Variants in UNKL observed in about 807,000 individuals in gnomAD.
UNKL encodes the protein unk like zinc finger, also known as putative E3 ubiquitin-protein ligase UNKL.
A neutral mutation model predicts 78.0 loss-of-function variants in UNKL; 60 were observed. The ratio of observed to expected loss-of-function variants is 0.77; its 90% confidence interval spans 0.63 to 0.95. UNKL has a LOEUF of 0.95. Ranked by LOEUF, UNKL falls within the 40% of genes least tolerant of loss-of-function variation. The pLI, the probability that UNKL is intolerant of heterozygous loss-of-function variation, is 0.00. For synonymous variants in UNKL, 608 were observed against 474.8 expected (o/e 1.28, Z -3.65); for missense variants, 1,159 against 1,045.7 (o/e 1.11, Z -1.49).
Position 1,389,683 on chromosome 16 carries a change from C to A in UNKL, c.1086+949G>T, listed in dbSNP as rs181776439. 3.2e-4 allele frequency among the ~76,000 whole-genome samples: 48 copies of A among 152,374 alleles called. No individual in the cohort carries two copies. In the East Asian group the frequency reaches 9.3e-3, roughly 29 times the overall value. ...GGAAGAGACCCCAGGGATGCCCACG[C>A]ACAGAGGGGTGACCCCAGAGGACAC... On this transcript the variant is annotated intron_variant, in intron 9 of 14. Coordinates refer to ENST00000389221, the MANE Select transcript of UNKL (RefSeq NM_001372107.1).
rs1388542622 is a variant in UNKL at position 1,364,912 on chromosome 16, C to G, written c.*1328G>C. The G allele has an allele frequency of 3.3e-5, 5 of 152,504 alleles. No individual in the cohort carries two copies. In the East Asian group the frequency reaches 9.6e-4, roughly 29 times the overall value. 9.4% of individuals were successfully genotyped at this position (152,504 alleles called of 1,614,324 possible). A position where few individuals can be genotyped will look rare whatever the true frequency, so the allele number is the denominator to read the frequency against. ...ACCACTCTCCCAGTTCACTGCCTGA[C>G]CCCTGCCAGGACGCCCAGCGACATC... On this transcript the variant is annotated 3_prime_UTR_variant, in exon 15 of 15. Coordinates refer to ENST00000389221, the MANE Select transcript of UNKL (RefSeq NM_001372107.1).
chr16:1,406,182 G>T, intron 2 of UNKL: 1 of 384,358 alleles, frequency 2.6e-6, no homozygotes. Context: ...GGTGATGGGA[G>T]GAACAGGCGT....
chr16:1,404,667 G>A (rs2037669339), intron 2 of UNKL, among the ~76,000 whole-genome samples: 1 of 152,200 alleles, frequency 6.6e-6, no homozygotes, highest in African/African-American at 2.4e-5. Context: ...GCACACCCAT[G>A]TTCACAGCAG....
intron 6 of UNKL, among the ~76,000 whole-genome samples, chr16:1,396,586 A>T (rs1048868931): frequency 8.0e-5 from 12 of 150,688 alleles, no homozygotes; most frequent in African/African-American, 1.2e-4. Context: ...GAATATATAT[A>T]TTTTTTTCTT....
rs879326441 is a variant in UNKL, at chr16:1,397,174, G to A, written c.852+4C>T. 6 of 1,547,038 alleles carry A rather than the reference G, an allele frequency of 3.9e-6. No homozygotes were observed. The highest frequency in any genetic ancestry group is 2.4e-5 in the East Asian group (1 of 40,928). ...CCTACGCCTGGGGGGTTGGAGGGAC[G>A]TACCTCGGGATGGAACTGCTGCTCC... On this transcript the variant is annotated splice_donor_region_variant and intron_variant, in intron 6 of 14. Transcript: ENST00000389221.
At chr16:1,383,022 G>T (rs924215594) in intron 10 of UNKL, among the ~76,000 whole-genome samples, 2 of 151,384 alleles carry the variant, frequency 1.3e-5, no homozygotes, top group African/African-American at 4.9e-5. Context: ...CACTTTGGGA[G>T]GCCCAGGCGG....
In UNKL at chr16:1,397,215, T is replaced by C. The variant is rs891500928; in HGVS notation, c.815A>G (p.Tyr272Cys). The change falls in exon 6 of 15, where the codon TAT becomes TGT. Residue 272 changes from tyrosine (Y) to cysteine (C), a missense_variant. Physicochemically the swap from Tyr to Cys is radical, Grantham distance 194. Transcript: ENST00000389221. ...SRCDGGDGCQ[Y>C]CHSRTEQQFH... ...CTGCTGCTCCGTGCGGGAGTGGCAA[T>C]ACTGGCAGCCGTCGCCGCCATCGCA... 8 of 1,546,722 alleles carry C rather than the reference T, an allele frequency of 5.2e-6. No individual in the cohort carries two copies. The highest frequency in any genetic ancestry group is 7.0e-6 in the Non-Finnish European group (8 of 1,146,948).
intron 9 of UNKL, among the ~76,000 whole-genome samples, chr16:1,386,743 C>T (rs771842853): frequency 4.1e-4 from 63 of 152,148 alleles, no homozygotes; most frequent in South Asian, 1.2e-3. Context: ...CCGACAAGAA[C>T]GCGCCTGGCT....
chr16:1,366,387 G>A lies in UNKL; in HGVS notation c.2055C>T (p.Phe685=). The A allele has an allele frequency of 1.3e-6, 2 of 1,592,254 alleles. No individual in the cohort carries two copies. Residue 685 remains phenylalanine, a synonymous_variant, in exon 15 of 15, where the codon TTC becomes TTT. Coordinates refer to ENST00000389221, the MANE Select transcript of UNKL (RefSeq NM_001372107.1). ...CCACACACTGCTTGGCGCGGAGCTG[G>A]AAGATCACCTGCAGGGCCAGAACAA... The part of the protein sequence containing the change: ...LDLEAVDGVI[F]QLRAKQCVAC...
intron 2 of UNKL, among the ~76,000 whole-genome samples, chr16:1,411,117 G>A (rs1020151986): frequency 6.6e-6 from 1 of 152,112 alleles, no homozygotes; most frequent in Non-Finnish European, 1.5e-5. Context: ...CTGGGAGGCT[G>A]CGGTGGGAGG....
At chr16:1,391,340 A>G (rs955996209) in intron 8 of UNKL, among the ~76,000 whole-genome samples, 4 of 152,162 alleles carry the variant, frequency 2.6e-5, no homozygotes, top group Admixed American at 2.6e-4. Context: ...TTGTTTTGAG[A>G]CAGGATCTCG....
rs766736267 is a variant in UNKL, at chr16:1,370,206, C to T, written c.1509G>A (p.Thr503=). The T allele has an allele frequency of 2.6e-5, 39 of 1,525,736 alleles. No individual in the cohort carries two copies. The South Asian group carries it at 3.4e-4, about 13-fold the overall frequency. The allele number at this position is 1,525,736 out of a possible 1,614,324, so 94.5% of individuals were successfully genotyped here. The change falls in exon 12 of 15, where the codon ACG becomes ACA. Residue 503 remains threonine, a synonymous_variant. Coordinates refer to ENST00000389221, the MANE Select transcript of UNKL (RefSeq NM_001372107.1). The stretch of plus-strand genomic sequence containing the variant: ...GCAGGGGTGGCGGCTGCTGGGGAGG[C>T]GTCATGGCTGAGGAGCCCACCGGCC... The part of the protein sequence containing the change: ...LPGPVGSSAM[T]PPQQPPPLRS...
chr16:1,366,873 C>T (rs2035304935), intron 14 of UNKL, among the ~76,000 whole-genome samples: 1 of 47,626 alleles, frequency 2.1e-5, no homozygotes, highest in Non-Finnish European at 4.8e-5. Context: ...GGTGAAAGGG[C>T]AAGGGCCAGC....
intron 13 of UNKL, 85 bp from the exon 14 acceptor site, chr16:1,367,434 C>T: frequency 6.8e-7 from 1 of 1,468,352 alleles, no homozygotes; most frequent in Admixed American, 2.1e-5. Flanking sequence ...GCGATCCTCC[C>T]CTCCCCTCCC....
chr16:1,379,597 G>C, intron 10 of UNKL: 1 of 985,148 alleles, frequency 1.0e-6, no homozygotes. Context: ...CCCGCACCTT[G>C]GCGGCGCACG....
Position 1,379,491 on chromosome 16 carries a change from C to T in UNKL, c.1264+5717G>A, listed in dbSNP as rs556680454. On this transcript the variant is annotated intron_variant, in intron 10 of 14. Transcript: ENST00000389221. Reference sequence around the variant, plus strand: ...GGGCCTCTGAGAAGCCCGGGCCCACCCCGCGGCTGTCACACCCGGCTCCGT... The same window carrying T: ...GGGCCTCTGAGAAGCCCGGGCCCACTCCGCGGCTGTCACACCCGGCTCCGT... 4.1e-4 allele frequency: 408 copies of T among 985,388 alleles called. 4 individuals are homozygous for T. The African/African-American group carries it at 5.9e-3, about 14-fold the overall frequency. 61.0% of individuals were successfully genotyped at this position (985,388 alleles called of 1,614,324 possible).
intron 9 of UNKL, among the ~76,000 whole-genome samples, chr16:1,388,840 G>A (rs547928168): frequency 1.3e-5 from 2 of 152,302 alleles, no homozygotes; most frequent in East Asian, 1.9e-4. Flanking sequence ...GCCCCGTGGG[G>A]ACAGCACACC....
At chr16:1,398,680 C>CCGG in intron 5 of UNKL, 2 of 1,234,494 alleles carry the variant, frequency 1.6e-6, no homozygotes, top group Non-Finnish European at 2.0e-6. Context: ...GTGGGGTCTG[C>CCGG]ACCCCCCCAC....
At chr16:1,383,659 C>T (rs1251971752) in intron 10 of UNKL, 1 of 423,396 alleles carries the variant, frequency 2.4e-6, no homozygotes. Context: ...TGGGCCTGAG[C>T]AGTTCCGTGT....
Sources: gnomAD v4.1 joint callset for allele counts (sites outside exome capture counted in the v4.1 genomes callset) on GRCh38, gnomAD v4.1.1 for gene constraint, MANE v1.5 for transcripts, NCBI Gene and HGNC (gene_info 2026-07-23, HGNC 2026-07-21) for gene names.